The following ATXN1 variants were observed in gnomAD, a reference collection of about 807,000 sequenced individuals.
The protein encoded by ATXN1 is ataxin-1.
A neutral mutation model predicts 56.4 loss-of-function variants in ATXN1; 8 were observed. The ratio of observed to expected loss-of-function variants is 0.14; its 90% CI spans 0.08 to 0.26. The LOEUF is 0.26. ATXN1 is among the 10% of genes least tolerant of loss of function. The pLI, the probability that ATXN1 is intolerant of heterozygous loss-of-function variation, is 1.00. For missense variants in ATXN1, 987 were observed against 1,106.5 expected, an observed-to-expected ratio of 0.89 and a Z score of 1.53; for synonymous variants, 514 against 494.6, an observed-to-expected ratio of 1.04 and a Z score of -0.52.
In ATXN1 at chr6:16,327,140, G is replaced by A; in HGVS notation, c.1171C>T (p.Pro391Ser). 2 of 1,613,664 alleles carry A rather than the reference G, an allele frequency of 1.2e-6. No individual in the cohort carries two copies. Among genetic ancestry groups the A allele is most frequent in the Non-Finnish European group, 1.7e-6 (2 of 1,180,040 alleles). The part of the protein sequence containing the change: ...SVMVLPNSNT[P>S]AADLEVQQAT... ...TGTTGCACCTCCAGGTCAGCTGCGG[G>A]CGTGTTGCTGTTGGGCAGGACCATC... is the stretch of plus-strand genomic sequence containing the variant. Residue 391 changes from proline to serine, a missense_variant, in exon 7 of 8, where the codon CCC (proline) becomes TCC (serine). Transcript: ENST00000436367.
At chr6:16,677,643 T>C (rs1212210794) in intron 2 of ATXN1, among the ~76,000 whole-genome samples, 1 of 152,206 alleles carries the variant, frequency 6.6e-6, no homozygotes. Flanking sequence ...ATTTGTGCCG[T>C]TGTCTGCTGA....
intron 6 of ATXN1, among the ~76,000 whole-genome samples, chr6:16,436,756 A>G (rs879630402): frequency 6.6e-6 from 1 of 152,170 alleles, no homozygotes; most frequent in East Asian, 1.9e-4. Flanking sequence ...GAGCCACAAT[A>G]AAGTCTGAGG....
At chr6:16,491,310 G>C (rs1760660009) in intron 5 of ATXN1, among the ~76,000 whole-genome samples, 1 of 95,024 alleles carries the variant, frequency 1.1e-5, no homozygotes, top group Non-Finnish European at 2.4e-5. Context: ...TTGATACAAG[G>C]TTTCGCTCTT....
At chr6:16,354,327 G>C (rs184747315) in intron 6 of ATXN1, among the ~76,000 whole-genome samples, 4 of 151,622 alleles carry the variant, frequency 2.6e-5, no homozygotes, top group African/African-American at 4.8e-5. Context: ...GTGCAATCTC[G>C]GCTCACTGCA....
intron 1 of ATXN1, among the ~76,000 whole-genome samples, chr6:16,757,839 T>G (rs1419106789): frequency 6.6e-6 from 1 of 151,860 alleles, no homozygotes; most frequent in East Asian, 1.9e-4. Context: ...TTTCCTTTTT[T>G]CCTTTTTGCC....
intron 3 of ATXN1, among the ~76,000 whole-genome samples, chr6:16,627,343 T>A (rs1221516348): frequency 1.3e-5 from 2 of 152,198 alleles, no homozygotes; most frequent in South Asian, 2.1e-4. Flanking sequence ...TGTTTTTCCC[T>A]GGCTACACTG....
rs1760189364 is a variant in ATXN1, at chr6:16,304,506, T to C, written c.*1823A>G. 6.6e-6 allele frequency: 1 copy of C among 152,332 alleles called. No individual in the cohort carries two copies. Among genetic ancestry groups the C allele is most frequent in the African/African-American group, 2.4e-5 (1 of 41,384 alleles). 9.4% of individuals were successfully genotyped at this position (152,332 alleles called of 1,614,324 possible). A position where few individuals can be genotyped will look rare whatever the true frequency, so the allele number is the denominator to read the frequency against. Reference sequence around the variant, plus strand: ...TAATAAAGTAATTGTTTAAAAAAAATCTTGCTCACATATATAAATGTCTTT... The same window carrying C: ...TAATAAAGTAATTGTTTAAAAAAAACCTTGCTCACATATATAAATGTCTTT... On this transcript the variant is annotated 3_prime_UTR_variant, in exon 8 of 8. Coordinates refer to ENST00000436367, the MANE Select transcript of ATXN1 (RefSeq NM_001128164.2).
At chr6:16,560,979 TG>T (rs1762105328) in intron 4 of ATXN1, among the ~76,000 whole-genome samples, 1 of 152,186 alleles carries the variant, frequency 6.6e-6, no homozygotes, top group Non-Finnish European at 1.5e-5. Context: ...GAGAACAAAA[TG>T]GGAGTGATGT....
intron 6 of ATXN1, among the ~76,000 whole-genome samples, chr6:16,446,922 CAG>C (rs766326403): frequency 4.8e-4 from 73 of 152,278 alleles, no homozygotes; most frequent in Middle Eastern, 3.4e-3. Context: ...TGCTTGGTGA[CAG>C]AGAAGATAAG....
intron 2 of ATXN1, among the ~76,000 whole-genome samples, chr6:16,717,112 G>T (rs1435113958): frequency 6.6e-6 from 1 of 152,216 alleles, no homozygotes; most frequent in African/African-American, 2.4e-5. Flanking sequence ...CACTACCCCT[G>T]CCCCAGCCAG....
At chr6:16,649,168 C>T (rs1227748027) in intron 3 of ATXN1, among the ~76,000 whole-genome samples, 1 of 151,746 alleles carries the variant, frequency 6.6e-6, no homozygotes, top group African/African-American at 2.4e-5. Flanking sequence ...CTATTCCTTC[C>T]TTTGGAAAGA....
chr6:16,581,228 CGCGTGTGT>C (rs1163741081), intron 4 of ATXN1, among the ~76,000 whole-genome samples: 4 of 125,668 alleles, frequency 3.2e-5, no homozygotes, highest in East Asian at 2.4e-4. Flanking sequence ...TGTGTGTGCG[CGCGTGTGT>C]GTGTGTGTGT....
chr6:16,555,213 T>C (rs1761989289), intron 4 of ATXN1, among the ~76,000 whole-genome samples: 1 of 152,216 alleles, frequency 6.6e-6, no homozygotes, highest in Admixed American at 6.5e-5. Context: ...GGTCCTGATG[T>C]GATACTCTTT....
intron 6 of ATXN1, among the ~76,000 whole-genome samples, chr6:16,393,174 C>T (rs1360492139): frequency 1.3e-5 from 2 of 152,306 alleles, no homozygotes; most frequent in South Asian, 4.1e-4. Context: ...TTCACCCACA[C>T]AAAATAGTGT....
chr6:16,658,020 A>T lies in ATXN1; in HGVS notation c.-614-119T>A, dbSNP rs1236078903. 3.3e-5 allele frequency: 5 copies of T among 152,304 alleles called. No homozygotes were observed. In the East Asian group the frequency reaches 7.7e-4, roughly 23 times the overall value. 9.4% of individuals were successfully genotyped at this position (152,304 alleles called of 1,614,324 possible). ...AATGTATATTTCATAACCTCAAACA[A>T]GCATGTTAATTATCAGGATGAAGCC... On this transcript the variant is annotated intron_variant, in intron 2 of 7. Coordinates refer to ENST00000436367, the MANE Select transcript of ATXN1 (RefSeq NM_001128164.2).
intron 6 of ATXN1, among the ~76,000 whole-genome samples, chr6:16,448,386 A>G (rs1759676365): frequency 2.0e-5 from 3 of 152,098 alleles, no homozygotes. Context: ...ATCACAGCTG[A>G]TGTTACACCA....
intron 4 of ATXN1, among the ~76,000 whole-genome samples, chr6:16,553,774 C>A (rs997526517): frequency 3.9e-5 from 6 of 152,156 alleles, no homozygotes; most frequent in African/African-American, 1.4e-4. Flanking sequence ...ACTGACCATC[C>A]CTACTAGGAA....
At chr6:16,717,843 G>A (rs1340807461) in intron 2 of ATXN1, among the ~76,000 whole-genome samples, 1 of 152,158 alleles carries the variant, frequency 6.6e-6, no homozygotes, top group Admixed American at 6.5e-5. Context: ...GCCAGCCCTC[G>A]CTGACAGCAT....
intron 3 of ATXN1, among the ~76,000 whole-genome samples, chr6:16,651,020 CA>C (rs1409996801): frequency 6.6e-6 from 1 of 152,146 alleles, no homozygotes; most frequent in Admixed American, 6.6e-5. Flanking sequence ...AGTACTTTTC[CA>C]TATTTCCACA....
Sources: allele counts gnomAD v4.1 joint callset (sites outside exome capture counted in the v4.1 genomes callset), GRCh38; gene constraint gnomAD v4.1.1; transcripts MANE v1.5; gene names NCBI Gene and HGNC (gene_info 2026-07-23, HGNC 2026-07-21).